PLEKHA7: variants seen among roughly 807,000 people sequenced by gnomAD.
PLEKHA7 encodes pleckstrin homology domain containing A7.
Under a neutral mutation model 170.0 loss-of-function variants are expected in PLEKHA7, and 104 were observed. The observed-to-expected ratio is 0.61, with a 90% CI of 0.52 to 0.72. The LOEUF (loss-of-function observed/expected upper bound fraction) is 0.72, where lower values mean the gene tolerates loss of function less well. PLEKHA7 is among the 30% of genes least tolerant of loss of function. The probability of loss-of-function intolerance (pLI) is 0.00; values close to 1 mark genes in which losing one functional copy is unlikely to be tolerated. For synonymous variants in PLEKHA7, 648 were observed against 660.8 expected (o/e 0.98, Z 0.30); for missense variants, 1,615 against 1,671.7 (o/e 0.97, Z 0.59).
intron 3 of PLEKHA7, among the ~76,000 whole-genome samples, chr11:16,935,376 C>T (rs754448414): frequency 6.6e-6 from 1 of 152,276 alleles, no homozygotes; most frequent in South Asian, 2.1e-4. Context: ...GAGCCAAGAT[C>T]GTGCCATTGC....
intron 3 of PLEKHA7, among the ~76,000 whole-genome samples, chr11:16,916,942 G>A (rs983016505): frequency 1.3e-5 from 2 of 152,292 alleles, no homozygotes; most frequent in African/African-American, 4.8e-5. Context: ...TTTGAGGCCG[G>A]GCACGGTGGC....
chr11:16,937,619 T>G (rs1036226813), intron 3 of PLEKHA7, among the ~76,000 whole-genome samples: 1 of 152,094 alleles, frequency 6.6e-6, no homozygotes, highest in Non-Finnish European at 1.5e-5. Context: ...TCTTTTCTTT[T>G]TTTTTTTAGA....
At chr11:16,820,010 T>C (rs1174362653) in intron 10 of PLEKHA7, among the ~76,000 whole-genome samples, 2 of 152,250 alleles carry the variant, frequency 1.3e-5, no homozygotes, top group Admixed American at 6.5e-5. Context: ...TGTAATCATT[T>C]CATAATGTAT....
At position 16,854,912 on chromosome 11, in the gene PLEKHA7, C is replaced by T; in HGVS notation, c.499G>A (p.Val167Met). The change falls in exon 6 of 27, where the codon GTG (valine) becomes ATG (methionine). Residue 167 changes from valine to methionine, a missense_variant. By Grantham distance (21) the Val-to-Met change is conservative (BLOSUM62 1). Coordinates refer to ENST00000531066, the MANE Select transcript of PLEKHA7 (RefSeq NM_001329630.2). ...IRRNPNVPVV[V>M]RGWLHKQDSS... is the part of the protein sequence containing the mutation. The stretch of plus-strand genomic sequence containing the variant: ...ACCTGCTTGTGCAGCCAGCCCCTCA[C>T]CACCACGGGAACATTGGGGTTCCTC... 1.2e-6 allele frequency: 2 copies of T among 1,614,002 alleles called. No individual in the cohort carries two copies. Among genetic ancestry groups the T allele is most frequent in the South Asian group, 1.1e-5 (1 of 91,068 alleles).
intron 26 of PLEKHA7, among the ~76,000 whole-genome samples, chr11:16,779,919 G>A (rs1179874054): frequency 2.0e-5 from 3 of 148,282 alleles, no homozygotes; most frequent in East Asian, 2.0e-4. Context: ...AACAAGCTGC[G>A]ATTCCTTGCG....
chr11:16,949,318 G>A (rs1861260374), intron 3 of PLEKHA7, among the ~76,000 whole-genome samples: 1 of 152,170 alleles, frequency 6.6e-6, no homozygotes. Flanking sequence ...GCCTCATTTA[G>A]AAGACTCTAG....
chr11:16,851,562 C>A (rs577283056), intron 7 of PLEKHA7, among the ~76,000 whole-genome samples: 42 of 152,282 alleles, frequency 2.8e-4, no homozygotes, highest in African/African-American at 9.9e-4. Flanking sequence ...GATTCTCCTG[C>A]CTTAGCCTCC....
chr11:17,004,470 G>A (rs547004970), intron 3 of PLEKHA7, among the ~76,000 whole-genome samples: 1 of 148,762 alleles, frequency 6.7e-6, no homozygotes, highest in South Asian at 2.1e-4. Flanking sequence ...TCAGTTCACT[G>A]TAACCTCTGC....
At chr11:16,990,588 T>C (rs1392170359) in intron 3 of PLEKHA7, among the ~76,000 whole-genome samples, 1 of 152,204 alleles carries the variant, frequency 6.6e-6, no homozygotes, top group Non-Finnish European at 1.5e-5. Context: ...TCCCATCAAA[T>C]GGGCACACCA....
At chr11:16,814,509 T>C (rs1336347026) in intron 12 of PLEKHA7, among the ~76,000 whole-genome samples, 2 of 152,286 alleles carry the variant, frequency 1.3e-5, no homozygotes, top group East Asian at 3.9e-4. Flanking sequence ...CTGCTCAAGA[T>C]ACCCGGGAGG....
intron 3 of PLEKHA7, among the ~76,000 whole-genome samples, chr11:16,901,842 C>T (rs575435968): frequency 6.6e-6 from 1 of 152,242 alleles, no homozygotes; most frequent in Admixed American, 6.5e-5. Context: ...GCACTCCGGC[C>T]TAGGCAGAAG....
chr11:16,813,325 G>A (rs1849512614), intron 12 of PLEKHA7, 159 bp from the exon 13 acceptor site: 8 of 545,884 alleles, frequency 1.5e-5, no homozygotes, highest in East Asian at 9.3e-5. Context: ...CAAATGTCTC[G>A]GTGCAGCTGA....
chr11:16,947,436 C>T (rs1860026), intron 3 of PLEKHA7, among the ~76,000 whole-genome samples: 48,852 of 151,242 alleles, frequency 0.32, 8,418 homozygotes, highest in Non-Finnish European at 0.39. Flanking sequence ...ACTAAAAATA[C>T]GAAAATTAGC....
chr11:16,790,700 G>T, intron 21 of PLEKHA7, 98 bp downstream of exon 21: 1 of 1,250,508 alleles, frequency 8.0e-7, no homozygotes. Flanking sequence ...TCACTCCTAG[G>T]CCTAGAGCTG....
chr11:16,933,026 G>T (rs377323020), intron 3 of PLEKHA7, among the ~76,000 whole-genome samples: 5 of 152,302 alleles, frequency 3.3e-5, no homozygotes, highest in African/African-American at 9.6e-5. Flanking sequence ...TTAAAAGAAA[G>T]GAGGCATAAT....
Position 16,782,704 on chromosome 11 carries a change from A to T in PLEKHA7, c.3793+50T>A, listed in dbSNP as rs1217817283. On this transcript the variant is annotated intron_variant, in intron 26 of 26. Coordinates refer to ENST00000531066, the MANE Select transcript of PLEKHA7 (RefSeq NM_001329630.2). ...CAGGCCATGCTGGGCCCAAGCCCAC[A>T]GGTGCAGTGGGGCAGGATCCAGGCC... 3 of 1,528,814 alleles carry T rather than the reference A, an allele frequency of 2.0e-6. No individual in the cohort carries two copies. In the Admixed American group the frequency reaches 5.9e-5, roughly 30 times the overall value. 94.7% of individuals were successfully genotyped at this position (1,528,814 alleles called of 1,614,324 possible). A position where few individuals can be genotyped will look rare whatever the true frequency, so the allele number is the denominator to read the frequency against.
intron 3 of PLEKHA7, among the ~76,000 whole-genome samples, chr11:16,932,239 C>A (rs1380961939): frequency 2.0e-5 from 3 of 149,622 alleles, no homozygotes; most frequent in East Asian, 3.9e-4. Context: ...GCATGGGACA[C>A]AATAGTACTA....
rs374946956 is a variant in PLEKHA7 at position 16,871,144 on chromosome 11, G to A, written c.260C>T (p.Thr87Met). The A allele has an allele frequency of 2.5e-5, 41 of 1,609,518 alleles. No homozygotes were observed. Among genetic ancestry groups the A allele is most frequent in the East Asian group, 6.7e-5 (3 of 44,846 alleles). The change falls in exon 4 of 27, where the codon ACG (threonine) becomes ATG (methionine). Residue 87 changes from threonine (T) to methionine (M), a missense_variant. Transcript: ENST00000531066. ...ACTATTTTCTGGAGAAAACTGTCCC[G>A]TCACAGGATGCCTGAATGCTGTGGT... ...QQTTAFRHPV[T>M]GQFSPENSEF...
intron 3 of PLEKHA7, among the ~76,000 whole-genome samples, chr11:16,994,313 T>TCC (rs1391132161): frequency 1.7e-3 from 262 of 152,328 alleles, no homozygotes; most frequent in Middle Eastern, 6.8e-3. Context: ...GGAGTTGCAG[T>TCC]TCCAGGGGTC....
Sources: gnomAD v4.1 joint callset for allele counts (sites outside exome capture counted in the v4.1 genomes callset) on GRCh38, gnomAD v4.1.1 for gene constraint, MANE v1.5 for transcripts, NCBI Gene and HGNC (gene_info 2026-07-23, HGNC 2026-07-21) for gene names.